The following UCK2 variants were observed in gnomAD, a reference collection of about 807,000 sequenced individuals.
UCK2 encodes uridine-cytidine kinase 2.
UCK2 carries 6 observed loss-of-function variants against 30.8 expected under a neutral mutation model. The observed-to-expected ratio is 0.19, with a 90% CI of 0.11 to 0.38. The LOEUF (loss-of-function observed/expected upper bound fraction) is 0.38. Among genes scored for constraint, UCK2 ranks in the 10% least tolerant of loss-of-function variants. The pLI is 1.00. For missense variants in UCK2, 210 were observed against 339.8 expected (o/e 0.62, Z 3.00); for synonymous variants, 125 against 133.6 (o/e 0.94, Z 0.45).
chr1:165,908,897 G>A lies in UCK2; in HGVS notation c.*1074G>A, dbSNP rs1553201754. The A allele has an allele frequency of 6.6e-6, 1 of 152,294 alleles. No individual in the cohort carries two copies. The highest frequency in any genetic ancestry group is 1.5e-5 in the Non-Finnish European group (1 of 68,080). The allele number at this position is 152,294 out of a possible 1,614,324, so 9.4% of individuals were successfully genotyped here. Reference sequence around the variant, plus strand: ...GGCAGGGGAGCTCTGTCTGTGGAGGGGTAGTAGTTTCCGCTTCCTGGAGGT... The same window carrying A: ...GGCAGGGGAGCTCTGTCTGTGGAGGAGTAGTAGTTTCCGCTTCCTGGAGGT... On this transcript the variant is annotated 3_prime_UTR_variant, in exon 7 of 7. Transcript: ENST00000367879.
intron 1 of UCK2, among the ~76,000 whole-genome samples, chr1:165,828,268 C>T (rs375773600): frequency 1.3e-5 from 2 of 152,164 alleles, no homozygotes; most frequent in East Asian, 1.9e-4. Flanking sequence ...TTTGCAACTC[C>T]AGTGTCGGGG....
At chr1:165,894,525 G>A (rs999515328) in intron 3 of UCK2, 3 of 152,136 alleles carry the variant, frequency 2.0e-5, no homozygotes, top group South Asian at 2.1e-4. Flanking sequence ...TAGTGTTGAA[G>A]TTCTAGCTCC....
At chr1:165,894,817 G>A (rs1026238834) in intron 3 of UCK2, among the ~76,000 whole-genome samples, 6 of 152,096 alleles carry the variant, frequency 3.9e-5, no homozygotes, top group African/African-American at 1.4e-4. Flanking sequence ...CTCTTGAGCT[G>A]GCCGTTGATA....
At position 165,827,722 on chromosome 1, in the gene UCK2, G is replaced by C; in HGVS notation, c.-112G>C. 9.8e-7 allele frequency: 1 copy of C among 1,025,576 alleles called. No homozygotes were observed. The highest frequency in any genetic ancestry group is 1.7e-5 in the African/African-American group (1 of 59,578). The allele number at this position is 1,025,576 out of a possible 1,614,324, so 63.5% of individuals were successfully genotyped here. A position where few individuals can be genotyped will look rare whatever the true frequency, so the allele number is the denominator to read the frequency against. On this transcript the variant is annotated 5_prime_UTR_variant, in exon 1 of 7. Transcript: ENST00000367879. ...TCGCAGGCGAGCGACAGCGGCCTCA[G>C]CCCCGGCAGCGCCCAGCGGCGGCTG...
rs542889767 is a variant in UCK2 at position 165,890,167 on chromosome 1, T to A, written c.100-37T>A. The A allele has an allele frequency of 3.7e-6, 6 of 1,611,562 alleles. No individual in the cohort carries two copies. The African/African-American group carries it at 8.0e-5, about 22-fold the overall frequency. ...ACTTCCTCTGTACCACACGTGCCCT[T>A]TCTCTTATTCCTGGGTGCTCTCTTC... On this transcript the variant is annotated intron_variant, in intron 1 of 6. Transcript: ENST00000367879.
chr1:165,828,413 C>G (rs903807628), intron 1 of UCK2, among the ~76,000 whole-genome samples: 3 of 152,112 alleles, frequency 2.0e-5, no homozygotes, highest in Admixed American at 6.5e-5. Context: ...GCCGAGAGGG[C>G]GAGGGTGGCG....
intron 1 of UCK2, among the ~76,000 whole-genome samples, chr1:165,855,513 T>TC (rs1177731920): frequency 2.0e-5 from 3 of 150,148 alleles, no homozygotes; most frequent in Non-Finnish European, 4.5e-5. Context: ...TTCTTTTCTT[T>TC]TTTTTTTTTT....
chr1:165,838,267 C>A (rs1319180901), intron 1 of UCK2, among the ~76,000 whole-genome samples: 1 of 152,186 alleles, frequency 6.6e-6, no homozygotes, highest in Non-Finnish European at 1.5e-5. Context: ...CAGAGTGATC[C>A]CGTGAAAATG....
intron 1 of UCK2, among the ~76,000 whole-genome samples, chr1:165,855,730 A>G (rs968111712): frequency 1.3e-5 from 2 of 152,042 alleles, no homozygotes; most frequent in Non-Finnish European, 2.9e-5. Flanking sequence ...GTGATGGGGA[A>G]CATGAATATT....
At chr1:165,841,579 T>G (rs1395653731) in intron 1 of UCK2, among the ~76,000 whole-genome samples, 1 of 152,212 alleles carries the variant, frequency 6.6e-6, no homozygotes, top group African/African-American at 2.4e-5. Context: ...CTTCGTTCAT[T>G]CAGCCATTCA....
chr1:165,834,682 A>G (rs1309150787), intron 1 of UCK2, among the ~76,000 whole-genome samples: 1 of 152,124 alleles, frequency 6.6e-6, no homozygotes, highest in South Asian at 2.1e-4. Context: ...CCAACTCGCT[A>G]TTGGCAATAC....
chr1:165,885,519 T>G (rs1456502136), intron 1 of UCK2: 2 of 391,652 alleles, frequency 5.1e-6, no homozygotes, highest in African/African-American at 4.1e-5. Flanking sequence ...CCTTTAACCC[T>G]CCCGACTCCA....
intron 5 of UCK2, 41 bp from the exon 6 acceptor site, chr1:165,905,880 T>G: frequency 6.2e-7 from 1 of 1,602,708 alleles, no homozygotes; most frequent in Non-Finnish European, 8.5e-7. Context: ...GCCAGTTGTC[T>G]CTTAACTGTA....
intron 1 of UCK2, among the ~76,000 whole-genome samples, chr1:165,882,777 G>C (rs903067129): frequency 2.0e-5 from 3 of 152,120 alleles, no homozygotes; most frequent in Non-Finnish European, 4.4e-5. Flanking sequence ...TTAAGTTTCA[G>C]CATTTCAGCG....
intron 1 of UCK2, among the ~76,000 whole-genome samples, chr1:165,842,086 C>T (rs1327729305): frequency 6.6e-6 from 1 of 152,160 alleles, no homozygotes; most frequent in Non-Finnish European, 1.5e-5. Flanking sequence ...TTTACCTTGA[C>T]TTTTCTGTAA....
At chr1:165,886,169 T>G (rs1046660385) in intron 1 of UCK2, among the ~76,000 whole-genome samples, 2 of 152,258 alleles carry the variant, frequency 1.3e-5, no homozygotes, top group Admixed American at 1.3e-4. Flanking sequence ...ACTATTAATA[T>G]AATTGTTAAG....
At chr1:165,888,625 C>T (rs1331189864) in intron 1 of UCK2, among the ~76,000 whole-genome samples, 1 of 149,500 alleles carries the variant, frequency 6.7e-6, no homozygotes, top group Non-Finnish European at 1.5e-5. Context: ...ATTCGGTTGA[C>T]CAGTTTCTTT....
At chr1:165,891,537 G>C (rs533515297) in intron 3 of UCK2, 1 of 512,380 alleles carries the variant, frequency 2.0e-6, no homozygotes, top group East Asian at 3.2e-5. Context: ...CCCTGGAACA[G>C]TCCTGTTGTC....
chr1:165,834,156 A>G (rs913572239), intron 1 of UCK2, among the ~76,000 whole-genome samples: 4 of 152,162 alleles, frequency 2.6e-5, no homozygotes, highest in Non-Finnish European at 4.4e-5. Flanking sequence ...TCAAGACTGA[A>G]GGTTTTGTTC....
Sources: allele counts gnomAD v4.1 joint callset (sites outside exome capture counted in the v4.1 genomes callset), GRCh38; gene constraint gnomAD v4.1.1; transcripts MANE v1.5; gene names NCBI Gene and HGNC (gene_info 2026-07-23, HGNC 2026-07-21).